Variants in BRF2 observed in about 807,000 individuals in gnomAD.
BRF2 encodes BRF2 general transcription factor IIIB subunit, also known as transcription factor IIIB 50 kDa subunit.
A neutral mutation model predicts 26.6 loss-of-function variants in BRF2; 17 were observed. The observed-to-expected ratio is 0.64, with a 90% confidence interval of 0.44 to 0.96. The LOEUF (loss-of-function observed/expected upper bound fraction) is 0.96, where lower values mean the gene tolerates loss of function less well. Among genes scored for constraint, BRF2 ranks in the 40% least tolerant of loss-of-function variants. The pLI is 0.00. For missense variants in BRF2, 515 were observed against 537.0 expected (o/e 0.96, Z 0.40); for synonymous variants, 219 against 226.6 (o/e 0.97, Z 0.30).
Position 37,844,543 on chromosome 8 carries a change from G to C in BRF2, c.1207C>G (p.Gln403Glu). The change falls in exon 4 of 4, where the codon CAG becomes GAG. Residue 403 changes from glutamine to glutamate, a missense_variant. Gln to Glu is a conservative substitution (Grantham distance 29). Coordinates refer to ENST00000220659, the MANE Select transcript of BRF2 (RefSeq NM_018310.4). ...GCCTGTCTAGCAGCCTGGGCTCTCT[G>C]AAAGTCCCTAACTTCCTGAGGGGTA... ...LRTPQEVRDF[Q>E]RAQAARQAAT... The C allele has an allele frequency of 1.9e-6, 3 of 1,613,904 alleles. No homozygotes were observed. The highest frequency in any genetic ancestry group is 2.5e-6 in the Non-Finnish European group (3 of 1,180,030).
At position 37,844,305 on chromosome 8, in the gene BRF2, T is replaced by A; in HGVS notation, c.*185A>T. The A allele has an allele frequency of 2.9e-6, 2 of 680,224 alleles. No homozygotes were observed. The highest frequency in any genetic ancestry group is 5.0e-6 in the Non-Finnish European group (2 of 398,788). 42.1% of individuals were successfully genotyped at this position (680,224 alleles called of 1,614,324 possible). A position where few individuals can be genotyped will look rare whatever the true frequency, so the allele number is the denominator to read the frequency against. On this transcript the variant is annotated 3_prime_UTR_variant, in exon 4 of 4. Transcript: ENST00000220659. ...CCAAGGGATGGGAATCTCTCCTACCTATAGTCATCCCTGCACTCCTGACTT... is the reference window on the plus strand; with the variant it reads ...CCAAGGGATGGGAATCTCTCCTACCAATAGTCATCCCTGCACTCCTGACTT...
chr8:37,846,146 C>T (rs1358426938), intron 3 of BRF2, among the ~76,000 whole-genome samples: 1 of 152,078 alleles, frequency 6.6e-6, no homozygotes, highest in Non-Finnish European at 1.5e-5. Context: ...TCCAGGAGTT[C>T]AAGACCAGCC....
Position 37,846,519 on chromosome 8 carries a change from C to T in BRF2, c.536+335G>A, listed in dbSNP as rs374359615. On this transcript the variant is annotated intron_variant, in intron 3 of 3. Coordinates refer to ENST00000220659, the MANE Select transcript of BRF2 (RefSeq NM_018310.4). ...CCTGTAATCCCAGAACTTTGGGAGG[C>T]CGAGGCAGGCGGATCACCTGAGGTC... 1.7e-4 allele frequency among the ~76,000 whole-genome samples: 26 copies of T among 152,252 alleles called. No homozygotes were observed. The East Asian group carries it at 3.9e-3, about 23-fold the overall frequency.
In BRF2 at chr8:37,845,078, G is replaced by A. The variant is rs372185215; in HGVS notation, c.672C>T (p.Pro224=). 2.4e-5 allele frequency: 39 copies of A among 1,613,884 alleles called. No homozygotes were observed. The highest frequency in any genetic ancestry group is 3.3e-4 in the Middle Eastern group (2 of 6,062). Residue 224 remains proline, a synonymous_variant, in exon 4 of 4, where the codon CCC becomes CCT. Coordinates refer to ENST00000220659, the MANE Select transcript of BRF2 (RefSeq NM_018310.4). ...TWLVTGRHPL[P]VITAATFLAW... is the part of the protein sequence containing the mutation. ...CCAGGAAAGTCGCAGCAGTGATGAC[G>A]GGCAAGGGATGCCTCCCGGTCACCA... is the stretch of plus-strand genomic sequence containing the variant.
intron 1 of BRF2, 94 bp downstream of exon 1, chr8:37,849,536 C>A: frequency 9.9e-7 from 1 of 1,010,928 alleles, no homozygotes; most frequent in Non-Finnish European, 1.5e-6. Flanking sequence ...TAAGTGTGTG[C>A]GTTACAGTTA....
chr8:37,849,619 GCCA>G lies in BRF2; in HGVS notation c.154+8_154+10del. Reference sequence around the variant, plus strand: ...TCCACCGCCCCAGGCTGTCCCCAGGGCCACAAGTACCTCGGAGATTGCCCTCGT... The same window carrying G: ...TCCACCGCCCCAGGCTGTCCCCAGGGCAAGTACCTCGGAGATTGCCCTCGT... On this transcript the variant is annotated splice_region_variant and intron_variant, in intron 1 of 3. Coordinates refer to ENST00000220659, the MANE Select transcript of BRF2 (RefSeq NM_018310.4). 1 of 1,610,666 alleles carries G rather than the reference GCCA, an allele frequency of 6.2e-7. No individual in the cohort carries two copies. The highest frequency in any genetic ancestry group is 8.5e-7 in the Non-Finnish European group (1 of 1,177,920).
chr8:37,845,090 C>T lies in BRF2; in HGVS notation c.660G>A (p.Arg220=), dbSNP rs747282079. The T allele has an allele frequency of 5.6e-6, 9 of 1,613,846 alleles. No individual in the cohort carries two copies. Among genetic ancestry groups the T allele is most frequent in the African/African-American group, 1.3e-5 (1 of 75,068 alleles). Residue 220 remains arginine, a synonymous_variant, in exon 4 of 4, where the codon AGG becomes AGA. Coordinates refer to ENST00000220659, the MANE Select transcript of BRF2 (RefSeq NM_018310.4). ...LANETWLVTG[R]HPLPVITAAT... ...CAGCAGTGATGACGGGCAAGGGATG[C>T]CTCCCGGTCACCAGCCACGTCTCAT...
Position 37,844,638 on chromosome 8 carries a change from G to A in BRF2, c.1112C>T (p.Pro371Leu), listed in dbSNP as rs774160634. 5 of 1,614,150 alleles carry A rather than the reference G, an allele frequency of 3.1e-6. No individual in the cohort carries two copies. The East Asian group carries it at 8.9e-5, about 29-fold the overall frequency. The change falls in exon 4 of 4, where the codon CCT (proline) becomes CTT (leucine). Residue 371 changes from proline (P) to leucine (L), a missense_variant. Pro to Leu is a moderately conservative substitution (Grantham distance 98, BLOSUM62 -3). Transcript: ENST00000220659. ...CMLKSPKRIC[P>L]VPPVSTVTGD... ...AGTGACAGTGGAGACAGGGGGTACA[G>A]GGCAGATCCGCTTCGGGGACTTCAA...
In BRF2 at chr8:37,844,909, C is replaced by A. The variant is rs762477383; in HGVS notation, c.841G>T (p.Ala281Ser). ...AVLLRMAEQL[A>S]WLRVLRLDKR... ...TCAAGTCTCAGAACTCGTAACCAGG[C>A]CAGCTGCTCAGCCATCCGCAGCAGC... The change falls in exon 4 of 4, where the codon GCC becomes TCC. Residue 281 changes from alanine to serine, a missense_variant. Ala to Ser is a moderately conservative substitution (Grantham distance 99). Transcript: ENST00000220659. The A allele has an allele frequency of 1.9e-6, 3 of 1,614,162 alleles. No homozygotes were observed. In the South Asian group the frequency reaches 3.3e-5, roughly 18 times the overall value.
Position 37,847,004 on chromosome 8 carries a change from T to G in BRF2, c.386A>C (p.His129Pro), listed in dbSNP as rs189754613. The change falls in exon 3 of 4, where the codon CAT (histidine) becomes CCT (proline). Residue 129 changes from histidine to proline, a missense_variant. By Grantham distance (77) the His-to-Pro change is moderately conservative. Transcript: ENST00000220659. The part of the protein sequence containing the change: ...GCCVLITCRQ[H>P]NWPLTMGAIC... ...GGCCCCCATTGTTAGGGGCCAGTTA[T>G]GCTGTCGGCAGGTGATTAAGACGCA... 6.8e-6 allele frequency: 11 copies of G among 1,614,256 alleles called. No homozygotes were observed. The highest frequency in any genetic ancestry group is 3.3e-5 in the Admixed American group (2 of 60,028).
At chr8:37,847,300 T>TA in intron 2 of BRF2, 125 bp from the exon 3 acceptor site, 1 of 787,612 alleles carries the variant, frequency 1.3e-6, no homozygotes, top group African/African-American at 1.7e-5. Context: ...ACAAATTATG[T>TA]ACCTTTCTGC....
chr8:37,844,524 C>T lies in BRF2; in HGVS notation c.1226G>A (p.Arg409Lys), dbSNP rs772338464. Residue 409 changes from arginine (R) to lysine (K), a missense_variant, in exon 4 of 4, where the codon AGA becomes AAA. Coordinates refer to ENST00000220659, the MANE Select transcript of BRF2 (RefSeq NM_018310.4). ...VRDFQRAQAA[R>K]QAATSVPNPP ...GTTAGGGACACTCGTGGCAGCCTGT[C>T]TAGCAGCCTGGGCTCTCTGAAAGTC... The T allele has an allele frequency of 2.5e-6, 4 of 1,613,648 alleles. No homozygotes were observed. The highest frequency in any genetic ancestry group is 3.4e-6 in the Non-Finnish European group (4 of 1,180,028).
chr8:37,847,103 T>A lies in BRF2; in HGVS notation c.287A>T (p.Tyr96Phe). 6.2e-7 allele frequency: 1 copy of A among 1,614,210 alleles called. No homozygotes were observed. The highest frequency in any genetic ancestry group is 8.5e-7 in the Non-Finnish European group (1 of 1,180,028). Residue 96 changes from tyrosine (Y) to phenylalanine (F), a missense_variant, in exon 3 of 4, where the codon TAC becomes TTC. Tyr to Phe is a conservative substitution (Grantham distance 22). Transcript: ENST00000220659. ...AGAGTGCCGATATGCCTGTTGGTAG[T>A]AGGCAACCGCGGTATCCTCAAATGT... is the stretch of plus-strand genomic sequence containing the variant. The part of the protein sequence containing the change: ...PPTFEDTAVA[Y>F]YQQAYRHSGI...
intron 2 of BRF2, 87 bp downstream of exon 2, chr8:37,848,509 A>C (rs1806006756): frequency 1.6e-6 from 2 of 1,263,902 alleles, no homozygotes; most frequent in Non-Finnish European, 2.3e-6. Context: ...GGCCTCCCAA[A>C]GTGCTGGGAT....
rs1805880487 is a variant in BRF2, at chr8:37,843,565, C to T, written c.*925G>A. ...AGGACCAAATGGAAACCGAGGGAAC[C>T]CTGGGTCTTGGGAAGAACAACAGGA... On this transcript the variant is annotated 3_prime_UTR_variant, in exon 4 of 4. Transcript: ENST00000220659. The T allele has an allele frequency of 6.6e-6, 1 of 152,176 alleles. No homozygotes were observed. Among genetic ancestry groups the T allele is most frequent in the African/African-American group, 2.4e-5 (1 of 41,412 alleles). 9.4% of individuals were successfully genotyped at this position (152,176 alleles called of 1,614,324 possible).
At chr8:37,847,392 T>C (rs938841272) in intron 2 of BRF2, 1 of 662,440 alleles carries the variant, frequency 1.5e-6, no homozygotes, top group African/African-American at 1.8e-5. Flanking sequence ...AGCCCACTAG[T>C]TTTTGCAGGC....
chr8:37,846,043 G>T (rs930944550), intron 3 of BRF2, among the ~76,000 whole-genome samples: 1 of 152,136 alleles, frequency 6.6e-6, no homozygotes, highest in African/African-American at 2.4e-5. Context: ...AAGGCAAAGG[G>T]GTTTGAAAAT....
Position 37,846,866 on chromosome 8 carries a change from G to A in BRF2, c.524C>T (p.Thr175Ile), listed in dbSNP as rs759560481. 3 of 1,612,722 alleles carry A rather than the reference G, an allele frequency of 1.9e-6. No individual in the cohort carries two copies. The highest frequency in any genetic ancestry group is 2.5e-6 in the Non-Finnish European group (3 of 1,178,976). The change falls in exon 3 of 4, where the codon ACC becomes ATC. Residue 175 changes from threonine to isoleucine, a missense_variant. By Grantham distance (89) the Thr-to-Ile change is moderately conservative. Transcript: ENST00000220659. ...PSLCLAELVK[T>I]YCSSFKLFQA... is the part of the protein sequence containing the mutation. ...ACCAGGGACGTACCTGCTGCAATAG[G>A]TCTTCACCAGTTCTGCCAAGCACAG...
chr8:37,844,658 C>T lies in BRF2; in HGVS notation c.1092G>A (p.Lys364=), dbSNP rs1805916893. 2.5e-6 allele frequency: 4 copies of T among 1,614,020 alleles called. No homozygotes were observed. Among genetic ancestry groups the T allele is most frequent in the Non-Finnish European group, 3.4e-6 (4 of 1,180,036 alleles). Residue 364 remains lysine (K), a synonymous_variant, in exon 4 of 4, where the codon AAG becomes AAA. Transcript: ENST00000220659. ...GTACAGGGCAGATCCGCTTCGGGGA[C>T]TTCAACATGCAGGGTGGCAAGAGAA... ...PALLLPPCML[K]SPKRICPVPP...
Sources: gnomAD v4.1 joint callset for allele counts (sites outside exome capture counted in the v4.1 genomes callset) on GRCh38, gnomAD v4.1.1 for gene constraint, MANE v1.5 for transcripts, NCBI Gene and HGNC (gene_info 2026-07-23, HGNC 2026-07-21) for gene names.